UGT2A2: variants seen among roughly 807,000 people sequenced by gnomAD.
The protein encoded by UGT2A2 is UDP glucuronosyltransferase family 2 member A2.
Under a neutral mutation model 50.7 loss-of-function variants are expected in UGT2A2, and 60 were observed. The observed-to-expected ratio is 1.18, with a 90% CI of 0.96 to 1.47. UGT2A2 has a LOEUF of 1.47. Ranked by LOEUF, UGT2A2 falls within the 40% of genes most tolerant of loss-of-function variation. The pLI, the probability that UGT2A2 is intolerant of heterozygous loss-of-function variation, is 0.00. For synonymous variants in UGT2A2, 242 were observed against 214.6 expected (o/e 1.13, Z -1.11); for missense variants, 762 against 634.0 (o/e 1.20, Z -2.17).
At position 69,636,732 on chromosome 4, in the gene UGT2A2, T is replaced by A. The variant is rs370502542; in HGVS notation, c.742+2167A>T. Among the ~76,000 whole-genome samples, 23 of 152,284 alleles carry A rather than the reference T, an allele frequency of 1.5e-4. No individual in the cohort carries two copies. In the South Asian group the frequency reaches 2.5e-3, roughly 16 times the overall value. On this transcript the variant is annotated intron_variant, in intron 1 of 5. Coordinates refer to ENST00000604629, the MANE Select transcript of UGT2A2 (RefSeq NM_001105677.2). ...AAGGGTTTTATCATTGCAGATTTCC[T>A]AAGTAGTTTGGTGTAAATAACATTT...
At position 69,589,617 on chromosome 4, in the gene UGT2A2, G is replaced by A. The variant is rs1340139330; in HGVS notation, c.1366C>T (p.His456Tyr). 6 of 1,613,844 alleles carry A rather than the reference G, an allele frequency of 3.7e-6. No homozygotes were observed. Among genetic ancestry groups the A allele is most frequent in the East Asian group, 2.2e-5 (1 of 44,872 alleles). The stretch of plus-strand genomic sequence containing the variant: ...AGGGGCTTTACAGGTTGATCATGGT[G>A]AATTCTTGATAACCTCATAGCATTC... The part of the protein sequence containing the change: ...KENAMRLSRI[H>Y]HDQPVKPLDR... Residue 456 changes from histidine (H) to tyrosine (Y), a missense_variant, in exon 6 of 6, where the codon CAC (histidine) becomes TAC (tyrosine). Physicochemically the swap from His to Tyr is moderately conservative, Grantham distance 83. Coordinates refer to ENST00000604629, the MANE Select transcript of UGT2A2 (RefSeq NM_001105677.2).
chr4:69,611,113 T>TA (rs5859193), intron 1 of UGT2A2, among the ~76,000 whole-genome samples: 58,915 of 150,386 alleles, frequency 0.39, 11,920 homozygotes, highest in African/African-American at 0.47. Context: ...ATCAGTGAAG[T>TA]AAAAAAAGAA....
intron 2 of UGT2A2, among the ~76,000 whole-genome samples, chr4:69,598,369 T>C (rs1015408124): frequency 1.3e-5 from 2 of 152,168 alleles, no homozygotes; most frequent in African/African-American, 4.8e-5. Flanking sequence ...ACATTGTTCC[T>C]ACCATGTGTA....
At chr4:69,612,335 A>G (rs900021509) in intron 1 of UGT2A2, among the ~76,000 whole-genome samples, 21 of 152,128 alleles carry the variant, frequency 1.4e-4, no homozygotes, top group Non-Finnish European at 2.2e-4. Flanking sequence ...GCCCAAAGTA[A>G]TTTACACATT....
chr4:69,601,178 A>G (rs2109894521), intron 1 of UGT2A2, among the ~76,000 whole-genome samples: 1 of 152,244 alleles, frequency 6.6e-6, no homozygotes, highest in Non-Finnish European at 1.5e-5. Context: ...TCTTCTGTGC[A>G]GCAGAGGCGG....
intron 5 of UGT2A2, among the ~76,000 whole-genome samples, chr4:69,591,509 G>A (rs1309624052): frequency 6.6e-6 from 1 of 152,154 alleles, no homozygotes; most frequent in African/African-American, 2.4e-5. Flanking sequence ...CCTTCAGGTA[G>A]TAGGCTTCAG....
At chr4:69,604,727 T>G (rs1185991758) in intron 1 of UGT2A2, among the ~76,000 whole-genome samples, 1 of 136,084 alleles carries the variant, frequency 7.3e-6, no homozygotes, top group Admixed American at 7.2e-5. Context: ...TGGAGGAAGA[T>G]CTACCAAGCA....
At chr4:69,629,305 A>C (rs1394907951) in intron 1 of UGT2A2, among the ~76,000 whole-genome samples, 1 of 152,066 alleles carries the variant, frequency 6.6e-6, no homozygotes, top group Admixed American at 6.6e-5. Flanking sequence ...TTTACTTTGC[A>C]GGTCTGGATT....
At chr4:69,631,499 A>G (rs1462132798) in intron 1 of UGT2A2, among the ~76,000 whole-genome samples, 1 of 152,188 alleles carries the variant, frequency 6.6e-6, no homozygotes, top group Non-Finnish European at 1.5e-5. Flanking sequence ...TTACTGCCTA[A>G]CCACCAATAA....
chr4:69,607,186 A>AACCAAAACAGCATGGTACTGGT (rs1553904399), intron 1 of UGT2A2, among the ~76,000 whole-genome samples: 73 of 135,028 alleles, frequency 5.4e-4, no homozygotes, highest in African/African-American at 1.8e-3. Context: ...AGGCTACAGT[A>AACCAAAACAGCATGGTACTGGT]ACCAAAACAG....
chr4:69,616,700 T>C (rs1224059218), intron 1 of UGT2A2, among the ~76,000 whole-genome samples: 1 of 151,892 alleles, frequency 6.6e-6, no homozygotes, highest in African/African-American at 2.4e-5. Context: ...GGATTTGCGA[T>C]AGTTCATTTA....
intron 2 of UGT2A2, 91 bp from the exon 3 acceptor site, chr4:69,596,472 A>G: frequency 1.5e-6 from 2 of 1,364,684 alleles, no homozygotes; most frequent in East Asian, 2.7e-5. Flanking sequence ...AAATTAAGAT[A>G]TATGTCAGAG....
At chr4:69,625,455 G>T (rs1317886093) in intron 1 of UGT2A2, among the ~76,000 whole-genome samples, 1 of 150,748 alleles carries the variant, frequency 6.6e-6, no homozygotes, top group African/African-American at 2.4e-5. Flanking sequence ...AGGGAGAAGT[G>T]ATTATTTCTC....
intron 1 of UGT2A2, among the ~76,000 whole-genome samples, chr4:69,617,170 A>C (rs1362296813): frequency 6.6e-6 from 1 of 151,914 alleles, no homozygotes; most frequent in Non-Finnish European, 1.5e-5. Context: ...CAAAACTATA[A>C]AACAAAAATG....
At chr4:69,634,170 G>A (rs1012084988) in intron 1 of UGT2A2, among the ~76,000 whole-genome samples, 16 of 151,950 alleles carry the variant, frequency 1.1e-4, no homozygotes, top group Non-Finnish European at 1.8e-4. Context: ...GCGTGAACCC[G>A]GGAGGCGGAG....
intron 1 of UGT2A2, among the ~76,000 whole-genome samples, chr4:69,622,127 C>T (rs957618824): frequency 1.3e-5 from 2 of 151,798 alleles, no homozygotes; most frequent in Admixed American, 1.3e-4. Context: ...ACCTGTGTAA[C>T]AAACCTGCAC....
chr4:69,615,724 GCAAA>G (rs993775109), intron 1 of UGT2A2, among the ~76,000 whole-genome samples: 25 of 151,518 alleles, frequency 1.6e-4, no homozygotes, highest in African/African-American at 5.8e-4. Context: ...AAACAAACAA[GCAAA>G]CAAACAGACA....
At chr4:69,598,076 C>T (rs140000986) in intron 2 of UGT2A2, among the ~76,000 whole-genome samples, 58 of 152,120 alleles carry the variant, frequency 3.8e-4, no homozygotes, top group African/African-American at 1.3e-3. Flanking sequence ...CCTATGGATA[C>T]GTCATGAATA....
chr4:69,623,781 A>G (rs1158333638), intron 1 of UGT2A2, among the ~76,000 whole-genome samples: 1 of 151,502 alleles, frequency 6.6e-6, no homozygotes, highest in East Asian at 1.9e-4. Flanking sequence ...AACCTTTGAG[A>G]TAAAGGTAGA....
Sources: gnomAD v4.1 joint callset for allele counts (sites outside exome capture counted in the v4.1 genomes callset) on GRCh38, gnomAD v4.1.1 for gene constraint, MANE v1.5 for transcripts, NCBI Gene and HGNC (gene_info 2026-07-23, HGNC 2026-07-21) for gene names.